VWA8: variants seen among roughly 807,000 people sequenced by gnomAD.
VWA8 encodes von Willebrand factor A domain-containing protein 8.
Under a neutral mutation model 241.5 loss-of-function variants are expected in VWA8, and 221 were observed. The observed-to-expected ratio is 0.91, with a 90% CI of 0.82 to 1.02. The LOEUF is 1.02. Among genes scored for constraint, VWA8 ranks in the 50% least tolerant of loss-of-function variants. VWA8 has a pLI of 0.00. For missense variants in VWA8, 2,322 were observed against 2,328.7 expected (o/e 1.00, Z 0.06); for synonymous variants, 852 against 827.1 (o/e 1.03, Z -0.52).
intron 36 of VWA8, among the ~76,000 whole-genome samples, chr13:41,672,119 C>A (rs769407880): frequency 1.1e-4 from 17 of 152,160 alleles, no homozygotes; most frequent in Non-Finnish European, 2.1e-4. Flanking sequence ...TGGACTCACT[C>A]CTTAGAGGCC....
chr13:41,721,673 A>T (rs2045393427), intron 24 of VWA8, 98 bp from the exon 25 acceptor site: 2 of 1,264,238 alleles, frequency 1.6e-6, no homozygotes, highest in Non-Finnish European at 2.2e-6. Flanking sequence ...CTGGTTGCTC[A>T]TCAAAGCATA....
intron 37 of VWA8, among the ~76,000 whole-genome samples, chr13:41,627,138 G>A (rs1019519201): frequency 6.6e-6 from 1 of 152,036 alleles, no homozygotes; most frequent in Non-Finnish European, 1.5e-5. Flanking sequence ...AGATGTACAC[G>A]TGGCCAAAAA....
intron 21 of VWA8, among the ~76,000 whole-genome samples, chr13:41,738,769 T>C (rs146763206): frequency 1.9e-4 from 29 of 152,260 alleles, no homozygotes; most frequent in Middle Eastern, 3.4e-3. Context: ...GCAGGTCCCT[T>C]ATTTGAACAG....
At chr13:41,639,144 A>T (rs2044778456) in intron 37 of VWA8, among the ~76,000 whole-genome samples, 1 of 148,202 alleles carries the variant, frequency 6.7e-6, no homozygotes, top group Non-Finnish European at 1.5e-5. Context: ...CATTATGGAG[A>T]TTGGGCTTAA....
chr13:41,668,814 A>C (rs1018123452), intron 37 of VWA8, among the ~76,000 whole-genome samples: 3 of 152,226 alleles, frequency 2.0e-5, no homozygotes, highest in African/African-American at 7.2e-5. Context: ...ATAAGTATGC[A>C]TTTTTAATAT....
At position 41,959,606 on chromosome 13, in the gene VWA8, C is replaced by CTTTTTT. The variant is rs1168629617; in HGVS notation, c.163+1241_163+1246dup. Among the ~76,000 whole-genome samples the CTTTTTT allele has an allele frequency of 9.2e-4, 73 of 79,634 alleles. 10 individuals are homozygous for CTTTTTT. Among genetic ancestry groups the CTTTTTT allele is most frequent in the African/African-American group, 2.1e-3 (47 of 22,620 alleles). The allele number at this position is 79,634 out of a possible 152,430, so 52.2% of individuals were successfully genotyped here. The stretch of plus-strand genomic sequence containing the variant: ...ACGAAATACGTGGGACCTAAATATG[C>CTTTTTT]TTTTTTTTTTTTTTTTTTTGAGATG... On this transcript the variant is annotated intron_variant, in intron 1 of 44. Coordinates refer to ENST00000379310, the MANE Select transcript of VWA8 (RefSeq NM_015058.2).
At chr13:41,582,679 T>A (rs1280942963) in intron 42 of VWA8, among the ~76,000 whole-genome samples, 1 of 152,238 alleles carries the variant, frequency 6.6e-6, no homozygotes, top group East Asian at 1.9e-4. Flanking sequence ...CTATTCCCTT[T>A]ATGCCTTTCA....
At position 41,593,561 on chromosome 13, in the gene VWA8, C is replaced by T. The variant is rs554946023; in HGVS notation, c.4987-2796G>A. On this transcript the variant is annotated intron_variant, in intron 40 of 44. Transcript: ENST00000379310. ...TCCTTTTCAGGCCCCCTCCCTGCAC[C>T]AGTGATTGGGACTTAGCTCTTATCT... Among the ~76,000 whole-genome samples, 4 of 152,336 alleles carry T rather than the reference C, an allele frequency of 2.6e-5. No homozygotes were observed. The South Asian group carries it at 8.3e-4, about 32-fold the overall frequency.
intron 2 of VWA8, among the ~76,000 whole-genome samples, chr13:41,928,898 C>T (rs1246786737): frequency 6.6e-6 from 1 of 151,226 alleles, no homozygotes; most frequent in Non-Finnish European, 1.5e-5. Context: ...CAACAGATGC[C>T]TCAGGAATAA....
At chr13:41,818,688 C>A (rs1870810874) in intron 15 of VWA8, among the ~76,000 whole-genome samples, 1 of 152,152 alleles carries the variant, frequency 6.6e-6, no homozygotes, top group Non-Finnish European at 1.5e-5. Flanking sequence ...CAATGGATCA[C>A]ACACACTAGT....
intron 17 of VWA8, among the ~76,000 whole-genome samples, chr13:41,792,802 C>T (rs767048792): frequency 6.6e-6 from 1 of 151,854 alleles, no homozygotes; most frequent in Non-Finnish European, 1.5e-5. Flanking sequence ...TTAGATTATT[C>T]TTAGTTGTGC....
chr13:41,824,469 G>T (rs1283085838), intron 14 of VWA8, among the ~76,000 whole-genome samples: 1 of 152,164 alleles, frequency 6.6e-6, no homozygotes, highest in Non-Finnish European at 1.5e-5. Flanking sequence ...CACCTAAGGA[G>T]AGATATCTAG....
At chr13:41,715,816 T>C (rs767242372) in intron 26 of VWA8, among the ~76,000 whole-genome samples, 9 of 152,030 alleles carry the variant, frequency 5.9e-5, no homozygotes, top group Non-Finnish European at 1.3e-4. Flanking sequence ...CATTAGTACA[T>C]GCAACACACA....
At chr13:41,778,952 T>C (rs1868759763) in intron 19 of VWA8, among the ~76,000 whole-genome samples, 1 of 148,730 alleles carries the variant, frequency 6.7e-6, no homozygotes, top group African/African-American at 2.5e-5. Flanking sequence ...CGCCATTCTC[T>C]TGCCTCAGCC....
chr13:41,753,142 C>A (rs753075363), intron 21 of VWA8, among the ~76,000 whole-genome samples: 3 of 152,094 alleles, frequency 2.0e-5, no homozygotes, highest in Admixed American at 6.6e-5. Flanking sequence ...TTGAGAATAT[C>A]TGCAGAAAAT....
At chr13:41,795,948 T>A (rs750976771) in intron 17 of VWA8, among the ~76,000 whole-genome samples, 28 of 151,976 alleles carry the variant, frequency 1.8e-4, no homozygotes, top group Non-Finnish European at 3.4e-4. Context: ...AACTCAGAAG[T>A]TGATGGAAAG....
intron 12 of VWA8, among the ~76,000 whole-genome samples, chr13:41,847,942 A>T (rs146045923): frequency 2.6e-5 from 4 of 152,366 alleles, no homozygotes; most frequent in African/African-American, 9.6e-5. Context: ...CTATAAAGTA[A>T]AACTCCATAT....
At chr13:41,892,382 G>T (rs1451531680) in intron 4 of VWA8, among the ~76,000 whole-genome samples, 1 of 152,128 alleles carries the variant, frequency 6.6e-6, no homozygotes, top group Non-Finnish European at 1.5e-5. Context: ...ACAGACAGAG[G>T]ATTAATGGTG....
chr13:41,603,823 C>T (rs573033082), intron 40 of VWA8, among the ~76,000 whole-genome samples: 12 of 152,258 alleles, frequency 7.9e-5, no homozygotes, highest in Admixed American at 7.9e-4. Context: ...TCCTTAAGCA[C>T]ATGGGAAATT....
Sources: allele counts gnomAD v4.1 joint callset (sites outside exome capture counted in the v4.1 genomes callset), GRCh38; gene constraint gnomAD v4.1.1; transcripts MANE v1.5; gene names NCBI Gene and HGNC (gene_info 2026-07-23, HGNC 2026-07-21).